The following YTHDF3 variants were observed in gnomAD, a reference collection of about 807,000 sequenced individuals.
YTHDF3 encodes the protein YTH N6-methyladenosine RNA binding protein F3.
Under a neutral mutation model 52.5 loss-of-function variants are expected in YTHDF3, and 9 were observed. The observed-to-expected ratio is 0.17, with a 90% CI of 0.10 to 0.30. The LOEUF (loss-of-function observed/expected upper bound fraction) is 0.30, where lower values mean the gene tolerates loss of function less well. Ranked by LOEUF, YTHDF3 falls within the 10% of genes least tolerant of loss-of-function variation. YTHDF3 has a pLI of 1.00. For synonymous variants in YTHDF3, 274 were observed against 243.3 expected, an observed-to-expected ratio of 1.13 and a Z score of -1.18; for missense variants, 534 against 715.0, an observed-to-expected ratio of 0.75 and a Z score of 2.89.
rs374044131 is a variant in YTHDF3 at position 63,208,858 on chromosome 8, T to TTTGTTGTTG, written c.1735-806_1735-798dup. 1.7e-3 allele frequency among the ~76,000 whole-genome samples: 257 copies of TTTGTTGTTG among 151,924 alleles called. 2 individuals are homozygous for TTTGTTGTTG. The highest frequency in any genetic ancestry group is 5.9e-3 in the African/African-American group (245 of 41,364). The stretch of plus-strand genomic sequence containing the variant: ...CTGAATTTGTCTAACACTCATCTTT[T>TTTGTTGTTG]TTGTTGTTGTTGTTGTTGTTGTTGT... On this transcript the variant is annotated intron_variant, in intron 4 of 4. Transcript: ENST00000539294.
At chr8:63,191,568 C>T (rs1460172399) in intron 4 of YTHDF3, among the ~76,000 whole-genome samples, 1 of 152,074 alleles carries the variant, frequency 6.6e-6, no homozygotes, top group East Asian at 1.9e-4. Flanking sequence ...GCTTTCTGTA[C>T]TTAATGTTTT....
chr8:63,194,321 T>C (rs1394567091), intron 4 of YTHDF3, among the ~76,000 whole-genome samples: 1 of 151,624 alleles, frequency 6.6e-6, no homozygotes, highest in Admixed American at 6.6e-5. Flanking sequence ...CCTTTTCTAC[T>C]AAAAATACAA....
Position 63,186,672 on chromosome 8 carries a change from G to C in YTHDF3, c.661G>C (p.Ala221Pro). The change falls in exon 4 of 5, where the codon GCA becomes CCA. Residue 221 changes from alanine to proline, a missense_variant. Ala to Pro is a conservative substitution (Grantham distance 27). This residue lies in a region of YTHDF3 where 196 missense variants were observed against 299.5 expected (regional missense o/e 0.65). Transcript: ENST00000539294. Reference sequence around the variant, plus strand: ...GAGCAGCAGTGGTATGACTAGCATTGCAACCAATAGTGTGCCCCCAGTTAG... The same window carrying C: ...GAGCAGCAGTGGTATGACTAGCATTCCAACCAATAGTGTGCCCCCAGTTAG... ...ALSSSGMTSI[A>P]TNSVPPVSSA... 6.2e-7 allele frequency: 1 copy of C among 1,613,914 alleles called. No individual in the cohort carries two copies. The highest frequency in any genetic ancestry group is 8.5e-7 in the Non-Finnish European group (1 of 1,179,878).
chr8:63,189,029 T>A (rs1219565251), intron 4 of YTHDF3: 1 of 152,070 alleles, frequency 6.6e-6, no homozygotes, highest in Non-Finnish European at 1.5e-5. Context: ...TTTTAAAACA[T>A]AAAACTCTTG....
chr8:63,211,702 AAG>A lies in YTHDF3; in HGVS notation c.*1999_*2000del, dbSNP rs1298805355. On this transcript the variant is annotated 3_prime_UTR_variant, in exon 5 of 5. Transcript: ENST00000539294. Reference sequence around the variant, plus strand: ...TTTAATTTACATTAGGTTTTTATGTAAGAGTGTCATGGAAGCACTCAGCAAGC... The same window carrying A: ...TTTAATTTACATTAGGTTTTTATGTAAGTGTCATGGAAGCACTCAGCAAGC... The A allele has an allele frequency of 3.3e-5, 5 of 152,558 alleles. No homozygotes were observed. The highest frequency in any genetic ancestry group is 2.1e-4 in the South Asian group (1 of 4,826). The allele number at this position is 152,558 out of a possible 1,614,324, so 9.5% of individuals were successfully genotyped here. A position where few individuals can be genotyped will look rare whatever the true frequency, so the allele number is the denominator to read the frequency against.
chr8:63,201,512 TAATA>T (rs1809642028), intron 4 of YTHDF3, among the ~76,000 whole-genome samples: 1 of 152,222 alleles, frequency 6.6e-6, no homozygotes, highest in Non-Finnish European at 1.5e-5. Flanking sequence ...GGTCTCTAGT[TAATA>T]AATATAATTT....
At chr8:63,191,466 C>T (rs539037313) in intron 4 of YTHDF3, among the ~76,000 whole-genome samples, 14 of 152,210 alleles carry the variant, frequency 9.2e-5, no homozygotes, top group African/African-American at 3.4e-4. Context: ...TCAGCTCCCC[C>T]TCTTAACTCT....
Position 63,187,315 on chromosome 8 carries a change from A to G in YTHDF3, c.1304A>G (p.Tyr435Cys). 6.2e-7 allele frequency: 1 copy of G among 1,613,896 alleles called. No individual in the cohort carries two copies. The highest frequency in any genetic ancestry group is 8.5e-7 in the Non-Finnish European group (1 of 1,179,884). Residue 435 changes from tyrosine (Y) to cysteine (C), a missense_variant, in exon 4 of 5, where the codon TAC becomes TGC. This residue lies in a region of YTHDF3 where 135 missense variants were observed against 214.2 expected (regional missense o/e 0.63). Coordinates refer to ENST00000539294, the MANE Select transcript of YTHDF3 (RefSeq NM_152758.6). ...GATGACATACATCGTTCCATTAAAT[A>G]CTCTATCTGGTGTAGTACTGAGCAT... is the stretch of plus-strand genomic sequence containing the variant. ...SEDDIHRSIK[Y>C]SIWCSTEHGN... is the part of the protein sequence containing the mutation.
chr8:63,176,756 C>T (rs2129999511), intron 3 of YTHDF3, among the ~76,000 whole-genome samples: 1 of 152,104 alleles, frequency 6.6e-6, no homozygotes, highest in Non-Finnish European at 1.5e-5. Flanking sequence ...TGGCTCACTC[C>T]AACCTCTGCC....
intron 4 of YTHDF3, among the ~76,000 whole-genome samples, chr8:63,205,961 C>A (rs1187633849): frequency 6.6e-6 from 1 of 152,150 alleles, no homozygotes; most frequent in South Asian, 2.1e-4. Context: ...TGTGGACTTT[C>A]AAATTTGTAT....
chr8:63,182,068 T>G (rs958618681), intron 3 of YTHDF3, among the ~76,000 whole-genome samples: 1 of 150,582 alleles, frequency 6.6e-6, no homozygotes, highest in Non-Finnish European at 1.5e-5. Flanking sequence ...GTGTGTGTGG[T>G]TTTTTTTAAA....
At chr8:63,207,282 C>A (rs989580170) in intron 4 of YTHDF3, among the ~76,000 whole-genome samples, 1 of 152,018 alleles carries the variant, frequency 6.6e-6, no homozygotes, top group Non-Finnish European at 1.5e-5. Flanking sequence ...TATTGTATGT[C>A]TCTATTAGTC....
intron 2 of YTHDF3, among the ~76,000 whole-genome samples, chr8:63,174,652 G>C (rs1371774030): frequency 1.3e-5 from 2 of 152,122 alleles, no homozygotes; most frequent in African/African-American, 4.8e-5. Context: ...TCTCTGACTT[G>C]TTTCTCATGT....
intron 2 of YTHDF3, among the ~76,000 whole-genome samples, chr8:63,174,088 T>G (rs1807527675): frequency 6.6e-6 from 1 of 152,160 alleles, no homozygotes; most frequent in African/African-American, 2.4e-5. Context: ...ATGGGAAAAT[T>G]TAAGGATAAT....
In YTHDF3 at chr8:63,201,284, G is replaced by C. The variant is rs575809105; in HGVS notation, c.1735-8399G>C. 2.0e-5 allele frequency among the ~76,000 whole-genome samples: 3 copies of C among 152,288 alleles called. 1 individual carries two copies. Among genetic ancestry groups the C allele is most frequent in the African/African-American group, 7.2e-5 (3 of 41,558 alleles). ...CATGCCTGTGATCCCAGGAATTTGG[G>C]AAGGTGAGGCGGGAGGATTGCTTGA... is the stretch of plus-strand genomic sequence containing the variant. On this transcript the variant is annotated intron_variant, in intron 4 of 4. Transcript: ENST00000539294.
intron 3 of YTHDF3, among the ~76,000 whole-genome samples, chr8:63,183,410 T>C (rs181420733): frequency 3.3e-4 from 51 of 152,360 alleles, no homozygotes; most frequent in African/African-American, 1.2e-3. Context: ...GATACTTCAG[T>C]GATCAAATTT....
rs780958698 is a variant in YTHDF3, at chr8:63,186,164, A to G, written c.153A>G (p.Pro51=). ...TTTTGCAGAGTAACAGCTATCCACC[A>G]ATGTCAGATCCATACATGCCTAGTT... The part of the protein sequence containing the change: ...SQTNQSNSYP[P]MSDPYMPSYY... Residue 51 remains proline, a synonymous_variant, in exon 4 of 5, where the codon CCA becomes CCG. Coordinates refer to ENST00000539294, the MANE Select transcript of YTHDF3 (RefSeq NM_152758.6). The G allele has an allele frequency of 5.0e-6, 8 of 1,610,662 alleles. No individual in the cohort carries two copies. Among genetic ancestry groups the G allele is most frequent in the Middle Eastern group, 3.3e-4 (2 of 6,052 alleles).
intron 3 of YTHDF3, among the ~76,000 whole-genome samples, chr8:63,178,438 A>G (rs1031920669): frequency 3.9e-5 from 6 of 152,216 alleles, no homozygotes; most frequent in Admixed American, 6.5e-5. Flanking sequence ...ATGTAAAGGC[A>G]TTTACCTTAG....
At chr8:63,208,772 T>G (rs547450232) in intron 4 of YTHDF3, among the ~76,000 whole-genome samples, 27 of 152,208 alleles carry the variant, frequency 1.8e-4, no homozygotes, top group Non-Finnish European at 1.8e-4. Context: ...TCAAGTAGTT[T>G]TTGCTTTTTA....
Sources: allele counts gnomAD v4.1 joint callset (sites outside exome capture counted in the v4.1 genomes callset), GRCh38; gene constraint gnomAD v4.1.1; regional missense constraint gnomAD v4.1.1; transcripts MANE v1.5; gene names NCBI Gene and HGNC (gene_info 2026-07-23, HGNC 2026-07-21).